The following SLC41A1 variants were observed in gnomAD, a reference collection of about 807,000 sequenced individuals.
SLC41A1 encodes the protein solute carrier family 41 (magnesium transporter), member 1.
In SLC41A1, 20 loss-of-function variants were observed where a neutral mutation model predicts 47.3. That is an observed-to-expected ratio of 0.42 (90% CI 0.30 to 0.61). SLC41A1 has a LOEUF of 0.61. Among genes scored for constraint, SLC41A1 ranks in the 20% least tolerant of loss-of-function variants. SLC41A1 has a pLI of 0.17. For synonymous variants in SLC41A1, 282 were observed against 272.7 expected, an observed-to-expected ratio of 1.03 and a Z score of -0.34; for missense variants, 504 against 674.1, an observed-to-expected ratio of 0.75 and a Z score of 2.79.
At chr1:205,797,288 T>C (rs1655771510) in intron 7 of SLC41A1, among the ~76,000 whole-genome samples, 1 of 152,240 alleles carries the variant, frequency 6.6e-6, no homozygotes, top group African/African-American at 2.4e-5. Flanking sequence ...TGCAGGACTA[T>C]CTGCCTCTGA....
chr1:205,794,779 TGA>T (rs1558078614), intron 10 of SLC41A1, 89 bp downstream of exon 10: 2 of 1,536,606 alleles, frequency 1.3e-6, no homozygotes, highest in Non-Finnish European at 1.8e-6. Context: ...AAGAGGAGGT[TGA>T]GTGTCTAAGA....
At chr1:205,795,088 G>A in intron 9 of SLC41A1, 70 bp from the exon 10 acceptor site, 1 of 1,592,492 alleles carries the variant, frequency 6.3e-7, no homozygotes, top group South Asian at 1.1e-5. Context: ...GCCTTTCAAA[G>A]TCAGGAGGGA....
chr1:205,811,965 G>GT (rs1270562270), intron 1 of SLC41A1, among the ~76,000 whole-genome samples: 5 of 152,072 alleles, frequency 3.3e-5, no homozygotes, highest in Non-Finnish European at 7.4e-5. Context: ...TGGATATAGT[G>GT]GAATTCTTAG....
At position 205,810,509 on chromosome 1, in the gene SLC41A1, C is replaced by T. The variant is rs1656126329; in HGVS notation, c.-68G>A. Reference sequence around the variant, plus strand: ...TTTTGCTTTCTCTCTTCTTCTCTAACTTGGGAAAGAACTTAGTCTTGGGGT... The same window carrying T: ...TTTTGCTTTCTCTCTTCTTCTCTAATTTGGGAAAGAACTTAGTCTTGGGGT... On this transcript the variant is annotated 5_prime_UTR_variant, in exon 2 of 11. Coordinates refer to ENST00000367137, the MANE Select transcript of SLC41A1 (RefSeq NM_173854.6). The surrounding 1 kb of genome is among the most constrained non-coding windows in gnomAD (Gnocchi z 5.5). 1.9e-6 allele frequency: 3 copies of T among 1,611,634 alleles called. No homozygotes were observed. The highest frequency in any genetic ancestry group is 2.2e-5 in the South Asian group (2 of 90,558).
intron 2 of SLC41A1, among the ~76,000 whole-genome samples, chr1:205,806,544 G>A (rs557283610): frequency 2.0e-5 from 3 of 152,254 alleles, no homozygotes; most frequent in Non-Finnish European, 2.9e-5. Flanking sequence ...TGAGACATCC[G>A]GAGCAGCCTA....
chr1:205,809,603 T>C (rs1169597454), intron 2 of SLC41A1, among the ~76,000 whole-genome samples: 1 of 152,170 alleles, frequency 6.6e-6, no homozygotes. Context: ...TGAGACCCTC[T>C]TGGCAGCTGA....
At position 205,798,057 on chromosome 1, in the gene SLC41A1, A is replaced by G. The variant is rs1267227700; in HGVS notation, c.845-6T>C. The G allele has an allele frequency of 3.1e-6, 5 of 1,614,096 alleles. No homozygotes were observed. Among genetic ancestry groups the G allele is most frequent in the African/African-American group, 1.3e-5 (1 of 74,940 alleles). ...GTAGATGTATCGCCAGTGATCTGAG[A>G]GGGCAGAGGTCAGAAGGAGATAAGC... On this transcript the variant is annotated splice_polypyrimidine_tract_variant and splice_region_variant and intron_variant, in intron 6 of 10. Transcript: ENST00000367137.
chr1:205,812,890 T>C lies in SLC41A1; in HGVS notation c.-729A>G. ...CTCGGGGGGTGCAGGGCACCCCCTC[T>C]TCTCATCACTCCTCCTCGACAGTCC... On this transcript the variant is annotated 5_prime_UTR_variant, in exon 1 of 11. Coordinates refer to ENST00000367137, the MANE Select transcript of SLC41A1 (RefSeq NM_173854.6). 1.0e-6 allele frequency: 1 copy of C among 985,302 alleles called. No homozygotes were observed. Among genetic ancestry groups the C allele is most frequent in the Non-Finnish European group, 1.2e-6 (1 of 829,946 alleles). The allele number at this position is 985,302 out of a possible 1,614,324, so 61.0% of individuals were successfully genotyped here.
At chr1:205,811,621 C>T (rs1051204743) in intron 1 of SLC41A1, among the ~76,000 whole-genome samples, 5 of 152,164 alleles carry the variant, frequency 3.3e-5, no homozygotes, top group African/African-American at 4.8e-5. Context: ...TGAGTGAAGT[C>T]CCCCAGACCC....
At position 205,794,930 on chromosome 1, in the gene SLC41A1, G is replaced by T; in HGVS notation, c.1296C>A (p.Gly432=). Residue 432 remains glycine (G), a synonymous_variant, in exon 10 of 11, where the codon GGC becomes GGA. Transcript: ENST00000367137. ...VFLYTISCMQ[G]GHTTLTLIFI... is the part of the protein sequence containing the mutation. ...AGATGAGTGTGAGGGTGGTGTGCCCGCCCTGCATACAGCTGATGGTGTAGA... is the reference window on the plus strand; with the variant it reads ...AGATGAGTGTGAGGGTGGTGTGCCCTCCCTGCATACAGCTGATGGTGTAGA... The T allele has an allele frequency of 6.2e-7, 1 of 1,614,036 alleles. No individual in the cohort carries two copies. Among genetic ancestry groups the T allele is most frequent in the Non-Finnish European group, 8.5e-7 (1 of 1,179,984 alleles).
At chr1:205,795,668 C>A in intron 8 of SLC41A1, 190 bp from the exon 9 acceptor site, 1 of 696,272 alleles carries the variant, frequency 1.4e-6, no homozygotes, top group Non-Finnish European at 2.5e-6. Context: ...AAGACAAAGA[C>A]CCCTGCTTCC....
At position 205,795,158 on chromosome 1, in the gene SLC41A1, T is replaced by G. The variant is rs1020378206; in HGVS notation, c.1208-140A>C. On this transcript the variant is annotated intron_variant, in intron 9 of 10. Transcript: ENST00000367137. ...GTCTCTACTTCTGCATCCTGTGGTC[T>G]CCAACCCCTAGGGTGCTCCAGGAAA... 2.1e-6 allele frequency: 3 copies of G among 1,427,094 alleles called. No individual in the cohort carries two copies. In the African/African-American group the frequency reaches 4.2e-5, roughly 20 times the overall value. 88.4% of individuals were successfully genotyped at this position (1,427,094 alleles called of 1,614,324 possible). A position where few individuals can be genotyped will look rare whatever the true frequency, so the allele number is the denominator to read the frequency against.
In SLC41A1 at chr1:205,791,071, G is replaced by C. The variant is rs1440974132; in HGVS notation, c.*462C>G. On this transcript the variant is annotated 3_prime_UTR_variant, in exon 11 of 11. Transcript: ENST00000367137. The surrounding 1 kb of genome is among the most constrained non-coding windows in gnomAD (Gnocchi z 4.0). The stretch of plus-strand genomic sequence containing the variant: ...CTTCTACAAAAGTATGTCTGTGTTT[G>C]GGAGTGTTACTTATTCTTCTGTCCC... 4.0e-6 allele frequency: 1 copy of C among 250,090 alleles called. No individual in the cohort carries two copies. The highest frequency in any genetic ancestry group is 7.8e-6 in the Non-Finnish European group (1 of 128,124). 15.5% of individuals were successfully genotyped at this position (250,090 alleles called of 1,614,324 possible).
At chr1:205,794,786 C>CT in intron 10 of SLC41A1, 84 bp downstream of exon 10, 1 of 1,574,324 alleles carries the variant, frequency 6.4e-7, no homozygotes, top group Non-Finnish European at 8.7e-7. Flanking sequence ...GGTTGAGTGT[C>CT]TAAGAGGCCA....
intron 8 of SLC41A1, 39 bp from the exon 9 acceptor site, chr1:205,795,517 C>A (rs2102501603): frequency 6.2e-7 from 1 of 1,612,688 alleles, no homozygotes; most frequent in East Asian, 2.2e-5. Context: ...AGACAGAGGT[C>A]AGAGGGAGGA....
chr1:205,799,044 TCCAG>T lies in SLC41A1; in HGVS notation c.606_609del (p.Trp203SerfsTer31). 1 of 1,613,608 alleles carries T rather than the reference TCCAG, an allele frequency of 6.2e-7. No individual in the cohort carries two copies. The highest frequency in any genetic ancestry group is 1.7e-5 in the Admixed American group (1 of 60,018). On this transcript the variant is annotated frameshift_variant, in exon 5 of 11. Coordinates refer to ENST00000367137, the MANE Select transcript of SLC41A1 (RefSeq NM_173854.6). LOFTEE classifies it high-confidence loss of function. ...GGAATACTGAAGTGGCCATCAGGGATCCAGCCAAAGACGACGGCTGCGATGGACG... is the reference window on the plus strand; with the variant it reads ...GGAATACTGAAGTGGCCATCAGGGATCCAAAGACGACGGCTGCGATGGACG...
chr1:205,801,064 C>A lies in SLC41A1; in HGVS notation c.373-4G>T, dbSNP rs186328375. On this transcript the variant is annotated splice_polypyrimidine_tract_variant and splice_region_variant and intron_variant, in intron 2 of 10. Transcript: ENST00000367137. ...CCTTCTGGAAGACTTCCCAGTGCTA[C>A]GAGGTGAAAACAGAACCCAGGAATT... 1 of 1,613,344 alleles carries A rather than the reference C, an allele frequency of 6.2e-7. No individual in the cohort carries two copies.
rs747881774 is a variant in SLC41A1, at chr1:205,791,560, C to T, written c.1515G>A (p.Gly505=). 8 of 1,613,928 alleles carry T rather than the reference C, an allele frequency of 5.0e-6. No individual in the cohort carries two copies. In the African/African-American group the frequency reaches 8.0e-5, roughly 16 times the overall value. Residue 505 remains glycine, a synonymous_variant, in exon 11 of 11, where the codon GGG becomes GGA. Transcript: ENST00000367137. The surrounding 1 kb of genome is among the most constrained non-coding windows in gnomAD (Gnocchi z 4.0). ...ALSFHVLWLI[G]DRDTDVGD Reference sequence around the variant, plus strand: ...AGTCCCCGACATCCGTGTCTCGGTCCCCTATGAGCCAGAGAACATGGAAGC... The same window carrying T: ...AGTCCCCGACATCCGTGTCTCGGTCTCCTATGAGCCAGAGAACATGGAAGC...
chr1:205,798,276 G>A (rs1311518312), intron 6 of SLC41A1, among the ~76,000 whole-genome samples: 1 of 152,154 alleles, frequency 6.6e-6, no homozygotes, highest in Non-Finnish European at 1.5e-5. Flanking sequence ...GCCAGGCACT[G>A]AGCCAATTAG....
Sources: allele counts gnomAD v4.1 joint callset (sites outside exome capture counted in the v4.1 genomes callset), GRCh38; gene constraint gnomAD v4.1.1; non-coding constraint Gnocchi (gnomAD v3.1); transcripts MANE v1.5; gene names NCBI Gene and HGNC (gene_info 2026-07-23, HGNC 2026-07-21).